The following TMEM45A variants were observed in gnomAD, a reference collection of about 807,000 sequenced individuals.
The protein encoded by TMEM45A is DNA polymerase-transactivated protein 4.
A neutral mutation model predicts 32.0 loss-of-function variants in TMEM45A; 25 were observed. The ratio of observed to expected loss-of-function variants is 0.78; its 90% CI spans 0.57 to 1.09. The LOEUF is 1.09. Ranked by LOEUF, TMEM45A falls within the 50% of genes least tolerant of loss-of-function variation. The probability of loss-of-function intolerance (pLI) is 0.00; values close to 1 mark genes in which losing one functional copy is unlikely to be tolerated. For missense variants in TMEM45A, 302 were observed against 325.0 expected (o/e 0.93, Z 0.54); for synonymous variants, 122 against 114.8 (o/e 1.06, Z -0.40).
At chr3:100,533,867 A>G (rs1030303682) in intron 1 of TMEM45A, among the ~76,000 whole-genome samples, 4 of 152,232 alleles carry the variant, frequency 2.6e-5, no homozygotes, top group Admixed American at 6.5e-5. Flanking sequence ...AAGTTAAATA[A>G]CATGCCCAAT....
At chr3:100,539,945 T>C (rs1259082932) in intron 1 of TMEM45A, among the ~76,000 whole-genome samples, 1 of 152,070 alleles carries the variant, frequency 6.6e-6, no homozygotes, top group Non-Finnish European at 1.5e-5. Context: ...CTTACCTTTT[T>C]CATAAACATT....
rs1229517897 is a variant in TMEM45A, at chr3:100,555,397, A to C, written c.186A>C (p.Leu62Phe). 1 of 1,613,268 alleles carries C rather than the reference A, an allele frequency of 6.2e-7. No homozygotes were observed. Among genetic ancestry groups the C allele is most frequent in the Non-Finnish European group, 8.5e-7 (1 of 1,179,434 alleles). ...LEGITIVGMA[L>F]TGMAGEQFIP... The stretch of plus-strand genomic sequence containing the variant: ...GAATTACAATAGTTGGCATGGCTTT[A>C]ACTGGTGAGTGGACCATTCTGTGTT... Residue 62 changes from leucine to phenylalanine, a missense_variant, in exon 2 of 6, where the codon TTA becomes TTC. Physicochemically the swap from Leu to Phe is conservative, Grantham distance 22. Coordinates refer to ENST00000323523, the MANE Select transcript of TMEM45A (RefSeq NM_018004.3).
intron 1 of TMEM45A, among the ~76,000 whole-genome samples, chr3:100,507,911 G>A (rs937232016): frequency 6.6e-6 from 1 of 151,224 alleles, no homozygotes; most frequent in African/African-American, 2.4e-5. Flanking sequence ...AGAGACATCT[G>A]TTATTCACCT....
chr3:100,553,190 C>T (rs1168470356), intron 1 of TMEM45A, among the ~76,000 whole-genome samples: 3 of 152,036 alleles, frequency 2.0e-5, no homozygotes, highest in Non-Finnish European at 4.4e-5. Flanking sequence ...GAGAAAACTG[C>T]GGCACTGAGG....
At chr3:100,547,019 A>G (rs1280219497) in intron 1 of TMEM45A, among the ~76,000 whole-genome samples, 1 of 152,182 alleles carries the variant, frequency 6.6e-6, no homozygotes, top group Non-Finnish European at 1.5e-5. Context: ...AAAAAATCCA[A>G]GTATAGATTT....
chr3:100,570,301 A>G (rs1237868764), intron 5 of TMEM45A, among the ~76,000 whole-genome samples: 2 of 152,178 alleles, frequency 1.3e-5, no homozygotes, highest in South Asian at 2.1e-4. Context: ...CTCTTTAGAC[A>G]TGGACCCCAA....
intron 1 of TMEM45A, among the ~76,000 whole-genome samples, chr3:100,510,104 G>A (rs1433774921): frequency 6.6e-6 from 1 of 152,232 alleles, no homozygotes; most frequent in Non-Finnish European, 1.5e-5. Flanking sequence ...GCTCGAACTG[G>A]GTGGAGCCCA....
chr3:100,509,280 G>A (rs1287209354), intron 1 of TMEM45A, among the ~76,000 whole-genome samples: 2 of 152,102 alleles, frequency 1.3e-5, no homozygotes, highest in African/African-American at 4.8e-5. Context: ...ATGACCAAAA[G>A]TAATAAATGC....
intron 3 of TMEM45A, 124 bp from the exon 4 acceptor site, chr3:100,558,281 G>T: frequency 9.0e-7 from 1 of 1,111,606 alleles, no homozygotes. Flanking sequence ...GGAATCAGTG[G>T]GCGCCTGCTC....
At chr3:100,565,605 A>AT (rs1482194828) in intron 4 of TMEM45A, among the ~76,000 whole-genome samples, 1 of 152,192 alleles carries the variant, frequency 6.6e-6, no homozygotes, top group Non-Finnish European at 1.5e-5. Context: ...GAAAAGGGCC[A>AT]TTGCAAGGAG....
intron 1 of TMEM45A, among the ~76,000 whole-genome samples, chr3:100,550,737 G>GA: frequency 6.6e-6 from 1 of 152,140 alleles, no homozygotes; most frequent in Non-Finnish European, 1.5e-5. Context: ...CTTGGGCTCT[G>GA]CCCAATATTA....
intron 4 of TMEM45A, among the ~76,000 whole-genome samples, chr3:100,561,004 T>C (rs1706320907): frequency 6.6e-6 from 1 of 152,196 alleles, no homozygotes; most frequent in South Asian, 2.1e-4. Flanking sequence ...AAATTTTTCA[T>C]CTACCAATAT....
Position 100,535,234 on chromosome 3 carries a change from C to T in TMEM45A, c.-3-19975C>T, listed in dbSNP as rs1426396192. Among the ~76,000 whole-genome samples, 5 of 152,164 alleles carry T rather than the reference C, an allele frequency of 3.3e-5. No homozygotes were observed. In the East Asian group the frequency reaches 9.7e-4, roughly 29 times the overall value. On this transcript the variant is annotated intron_variant, in intron 1 of 5. Coordinates refer to ENST00000323523, the MANE Select transcript of TMEM45A (RefSeq NM_018004.3). The stretch of plus-strand genomic sequence containing the variant: ...TTCCCGGGTTCAAAGGATTCTCCTG[C>T]CTCAGCCTTCCGAGTAGCTGGGATT...
chr3:100,506,100 A>G (rs936389735), intron 1 of TMEM45A, among the ~76,000 whole-genome samples: 1 of 152,102 alleles, frequency 6.6e-6, no homozygotes, highest in African/African-American at 2.4e-5. Flanking sequence ...TTGTGGGGGG[A>G]AGAGAACAGA....
chr3:100,565,148 T>A (rs1477210766), intron 4 of TMEM45A, among the ~76,000 whole-genome samples: 1 of 152,198 alleles, frequency 6.6e-6, no homozygotes, highest in African/African-American at 2.4e-5. Context: ...GTCCTTGAGT[T>A]CCAATCTTTT....
intron 1 of TMEM45A, among the ~76,000 whole-genome samples, chr3:100,548,803 G>A (rs1706031677): frequency 6.6e-6 from 1 of 152,226 alleles, no homozygotes; most frequent in South Asian, 2.1e-4. Flanking sequence ...CAATGCAAGT[G>A]ATGATTAGAA....
At chr3:100,549,259 A>G (rs1017079216) in intron 1 of TMEM45A, among the ~76,000 whole-genome samples, 1 of 151,964 alleles carries the variant, frequency 6.6e-6, no homozygotes, top group African/African-American at 2.4e-5. Context: ...AAAAAAACAA[A>G]AAAACAAAAA....
chr3:100,534,885 G>A (rs1705713031), intron 1 of TMEM45A, among the ~76,000 whole-genome samples: 1 of 152,232 alleles, frequency 6.6e-6, no homozygotes, highest in Non-Finnish European at 1.5e-5. Flanking sequence ...TGTCCTTGAG[G>A]GCAGGACTGG....
chr3:100,568,943 G>T lies in TMEM45A; in HGVS notation c.710G>T (p.Gly237Val). The T allele has an allele frequency of 6.2e-7, 1 of 1,612,954 alleles. No individual in the cohort carries two copies. The change falls in exon 5 of 6, where the codon GGA becomes GTA. Residue 237 changes from glycine to valine, a missense_variant. By Grantham distance (109) the Gly-to-Val change is moderately radical (BLOSUM62 -3). Coordinates refer to ENST00000323523, the MANE Select transcript of TMEM45A (RefSeq NM_018004.3). ...WHYAVTIVIVGMNYAFITWLV... is the reference protein window; with the variant it reads ...WHYAVTIVIVVMNYAFITWLV... Reference sequence around the variant, plus strand: ...TATGCAGTAACCATTGTCATCGTTGGAATGAATTATGCTTTCATTACCTGG... The same window carrying T: ...TATGCAGTAACCATTGTCATCGTTGTAATGAATTATGCTTTCATTACCTGG...
Sources: allele counts gnomAD v4.1 joint callset (sites outside exome capture counted in the v4.1 genomes callset), GRCh38; gene constraint gnomAD v4.1.1; transcripts MANE v1.5; gene names NCBI Gene and HGNC (gene_info 2026-07-23, HGNC 2026-07-21).